MED13: variants seen among roughly 807,000 people sequenced by gnomAD.
The protein encoded by MED13 is mediator complex subunit 13.
Under a neutral mutation model 225.2 loss-of-function variants are expected in MED13, and 23 were observed. The observed-to-expected ratio is 0.10, with a 90% CI of 0.07 to 0.14. The LOEUF (loss-of-function observed/expected upper bound fraction) is 0.14, where lower values mean the gene tolerates loss of function less well. MED13 is among the 10% of genes least tolerant of loss of function. The pLI is 1.00. For missense variants in MED13, 2,197 were observed against 2,594.5 expected, an observed-to-expected ratio of 0.85 and a Z score of 3.33; for synonymous variants, 942 against 889.2, an observed-to-expected ratio of 1.06 and a Z score of -1.06.
chr17:62,041,130 C>A (rs981082012), intron 3 of MED13, among the ~76,000 whole-genome samples: 2 of 152,122 alleles, frequency 1.3e-5, no homozygotes, highest in African/African-American at 4.8e-5. Context: ...TGAAAACAAC[C>A]CAAATACCAT....
At chr17:61,976,126 C>T (rs986926523) in intron 16 of MED13, among the ~76,000 whole-genome samples, 17 of 152,100 alleles carry the variant, frequency 1.1e-4, no homozygotes, top group African/African-American at 3.9e-4. Flanking sequence ...TTCATGGGAG[C>T]TTTATTCATA....
chr17:61,960,348 A>C (rs1445203260), intron 23 of MED13, among the ~76,000 whole-genome samples: 1 of 151,808 alleles, frequency 6.6e-6, no homozygotes, highest in Non-Finnish European at 1.5e-5. Flanking sequence ...GGCTCACTGC[A>C]ACCTCCGCCT....
intron 3 of MED13, chr17:62,036,905 CT>C (rs2080808507): frequency 6.6e-6 from 1 of 152,206 alleles, no homozygotes; most frequent in South Asian, 2.1e-4. Flanking sequence ...TTGTTCTACT[CT>C]TTCCCCTCTT....
rs60236710 is a variant in MED13 at position 62,008,016 on chromosome 17, C to CAAA, written c.1967+2531_1967+2533dup. On this transcript the variant is annotated intron_variant, in intron 9 of 29. Coordinates refer to ENST00000397786, the MANE Select transcript of MED13 (RefSeq NM_005121.3). ...CCTGGAGGAAAGAGCGAGACTGTCTCAAAAAAAAAAAAAAAAAAAAGCTGT... is the reference window on the plus strand; with the variant it reads ...CCTGGAGGAAAGAGCGAGACTGTCTCAAAAAAAAAAAAAAAAAAAAAAAGCTGT... 2.1e-3 allele frequency among the ~76,000 whole-genome samples: 108 copies of CAAA among 50,476 alleles called. 2 individuals are homozygous for CAAA. The highest frequency in any genetic ancestry group is 6.8e-3 in the African/African-American group (100 of 14,680). 33.1% of individuals were successfully genotyped at this position (50,476 alleles called of 152,430 possible).
At chr17:62,035,975 A>G (rs770046494) in intron 3 of MED13, among the ~76,000 whole-genome samples, 11 of 151,944 alleles carry the variant, frequency 7.2e-5, no homozygotes, top group Admixed American at 3.9e-4. Flanking sequence ...TTAAAGAAAG[A>G]GAGAGGGTCT....
chr17:61,993,196 CTTTCTTTTTTTT>C (rs2080316477), intron 10 of MED13, among the ~76,000 whole-genome samples: 4 of 127,424 alleles, frequency 3.1e-5, no homozygotes, highest in Non-Finnish European at 6.2e-5. Context: ...TTCTTTCTTT[CTTTCTTTTTTTT>C]TTTTTTTTTT....
rs146607055 is a variant in MED13 at position 61,985,188 on chromosome 17, T to C, written c.2386-98A>G. 241 of 962,782 alleles carry C rather than the reference T, an allele frequency of 2.5e-4. 1 individual carries two copies. In the African/African-American group the frequency reaches 3.3e-3, roughly 13 times the overall value. The allele number at this position is 962,782 out of a possible 1,614,324, so 59.6% of individuals were successfully genotyped here. ...ATAACTTAACAGTAAAGCCCATTCA[T>C]TAAAAGTAGTATTTTGAATCTGTGA... On this transcript the variant is annotated intron_variant, in intron 12 of 29. Transcript: ENST00000397786.
chr17:62,025,626 C>T (rs536181818), intron 8 of MED13, among the ~76,000 whole-genome samples: 5 of 152,306 alleles, frequency 3.3e-5, no homozygotes, highest in Admixed American at 6.5e-5. Flanking sequence ...GCCGAGATCA[C>T]ACCATTGCAC....
intron 8 of MED13, among the ~76,000 whole-genome samples, chr17:62,013,973 A>T (rs748850800): frequency 2.0e-5 from 3 of 152,146 alleles, no homozygotes; most frequent in Non-Finnish European, 4.4e-5. Flanking sequence ...CAGGAGGTGG[A>T]GGTTGCAGCA....
chr17:62,027,258 T>A (rs567452830), intron 8 of MED13, among the ~76,000 whole-genome samples: 1 of 152,058 alleles, frequency 6.6e-6, no homozygotes, highest in Admixed American at 6.6e-5. Context: ...TGAAACAGAA[T>A]AGAGAGCCCA....
intron 5 of MED13, 114 bp from the exon 6 acceptor site, chr17:62,031,752 A>G: frequency 1.8e-6 from 1 of 547,498 alleles, no homozygotes; most frequent in Non-Finnish European, 2.8e-6. Context: ...AAATAAAAAT[A>G]CATTTTTATA....
At position 62,029,522 on chromosome 17, in the gene MED13, C is replaced by A. The variant is rs1394986663; in HGVS notation, c.1283+19G>T. On this transcript the variant is annotated intron_variant, in intron 8 of 29. Transcript: ENST00000397786. ...CAAACTATCACACATAGGCATCAAT[C>A]GATCGGGAAATAATCTACCTCAAAC... 6.3e-7 allele frequency: 1 copy of A among 1,585,942 alleles called. No individual in the cohort carries two copies. The highest frequency in any genetic ancestry group is 8.7e-7 in the Non-Finnish European group (1 of 1,154,866).
At chr17:62,007,655 T>C (rs1321168719) in intron 9 of MED13, 1 of 151,848 alleles carries the variant, frequency 6.6e-6, no homozygotes, top group African/African-American at 2.4e-5. Context: ...CAGACCATCC[T>C]GGCTAACACG....
At position 61,955,643 on chromosome 17, in the gene MED13, A is replaced by G. The variant is rs140980608; in HGVS notation, c.5782+37T>C. 919 of 1,568,622 alleles carry G rather than the reference A, an allele frequency of 5.9e-4. 5 individuals carry two copies. The African/African-American group carries it at 0.011, about 19-fold the overall frequency. ...ATAATACTTAAAAACTTAACTGCAT[A>G]AAGAATTAAATCTGATATAAACTAA... On this transcript the variant is annotated intron_variant, in intron 25 of 29. Transcript: ENST00000397786.
At chr17:62,001,921 A>C (rs1360471494) in intron 9 of MED13, among the ~76,000 whole-genome samples, 1 of 152,226 alleles carries the variant, frequency 6.6e-6, no homozygotes, top group Non-Finnish European at 1.5e-5. Flanking sequence ...AATACTCCTA[A>C]GAAGAGATAC....
At chr17:61,986,829 T>C (rs1374639534) in intron 12 of MED13, among the ~76,000 whole-genome samples, 178 bp downstream of exon 12, 1 of 152,216 alleles carries the variant, frequency 6.6e-6, no homozygotes, top group Non-Finnish European at 1.5e-5. Context: ...GATGACACTA[T>C]GGCAAGACTA....
At chr17:61,981,656 A>G (rs2080205982) in intron 16 of MED13, among the ~76,000 whole-genome samples, 1 of 152,240 alleles carries the variant, frequency 6.6e-6, no homozygotes, top group African/African-American at 2.4e-5. Flanking sequence ...CCCATATGCT[A>G]TCTCCTCAGT....
intron 28 of MED13, among the ~76,000 whole-genome samples, chr17:61,947,609 A>C (rs2079861436): frequency 6.6e-6 from 1 of 152,212 alleles, no homozygotes; most frequent in Non-Finnish European, 1.5e-5. Context: ...ATAAGCAAAT[A>C]GTTTGGTTAC....
intron 3 of MED13, among the ~76,000 whole-genome samples, chr17:62,050,833 G>A (rs566891017): frequency 3.3e-5 from 5 of 152,180 alleles, no homozygotes; most frequent in South Asian, 4.1e-4. Context: ...GCAAAACCCC[G>A]TTTCTACTAA....
Sources: allele counts gnomAD v4.1 joint callset (sites outside exome capture counted in the v4.1 genomes callset), GRCh38; gene constraint gnomAD v4.1.1; transcripts MANE v1.5; gene names NCBI Gene and HGNC (gene_info 2026-07-23, HGNC 2026-07-21).